The following NKAIN3 variants were observed in gnomAD, a reference collection of about 807,000 sequenced individuals.
NKAIN3 encodes sodium/potassium transporting ATPase interacting 3, also known as sodium/potassium-transporting ATPase subunit beta-1-interacting protein 3.
In NKAIN3, 25 loss-of-function variants were observed where a neutral mutation model predicts 30.2. The observed-to-expected ratio is 0.83, with a 90% CI of 0.60 to 1.16. NKAIN3 has a LOEUF of 1.16. NKAIN3 is among the 50% of genes most tolerant of loss of function. The probability of loss-of-function intolerance (pLI) is 0.00; values close to 1 mark genes in which losing one functional copy is unlikely to be tolerated. For missense variants in NKAIN3, 225 were observed against 254.1 expected (o/e 0.89, Z 0.78); for synonymous variants, 91 against 89.6 (o/e 1.02, Z -0.09).
intron 3 of NKAIN3, among the ~76,000 whole-genome samples, chr8:62,663,097 G>A (rs532920022): frequency 3.7e-4 from 56 of 152,328 alleles, no homozygotes; most frequent in East Asian, 2.9e-3. Context: ...ATGGGAAGGC[G>A]TAAGAAAGGG....
chr8:62,917,762 G>T (rs1822151602), intron 4 of NKAIN3, among the ~76,000 whole-genome samples: 1 of 152,236 alleles, frequency 6.6e-6, no homozygotes, highest in South Asian at 2.1e-4. Context: ...AGACAATTTT[G>T]TCCTCTAGGA....
chr8:62,341,720 A>C (rs1430293797), intron 1 of NKAIN3, among the ~76,000 whole-genome samples: 1 of 152,006 alleles, frequency 6.6e-6, no homozygotes, highest in Non-Finnish European at 1.5e-5. Flanking sequence ...TGCCAGAAAA[A>C]AAAACAAAAC....
At chr8:62,661,603 C>T (rs1812945757) in intron 3 of NKAIN3, among the ~76,000 whole-genome samples, 1 of 151,982 alleles carries the variant, frequency 6.6e-6, no homozygotes, top group South Asian at 2.1e-4. Flanking sequence ...ACCTGTTCCT[C>T]CCTCCCTCTC....
chr8:62,697,293 T>G (rs1461410081), intron 3 of NKAIN3, among the ~76,000 whole-genome samples: 2 of 152,192 alleles, frequency 1.3e-5, no homozygotes, highest in African/African-American at 2.4e-5. Flanking sequence ...CCTACTCTGT[T>G]CCAGCCATGC....
chr8:62,843,628 G>T (rs894492740), intron 4 of NKAIN3, among the ~76,000 whole-genome samples: 1 of 151,998 alleles, frequency 6.6e-6, no homozygotes, highest in Non-Finnish European at 1.5e-5. Flanking sequence ...AGTCACCATG[G>T]CCGGCCCCTG....
intron 1 of NKAIN3, among the ~76,000 whole-genome samples, chr8:62,403,802 G>T (rs1000658368): frequency 1.3e-5 from 2 of 152,228 alleles, no homozygotes; most frequent in African/African-American, 2.4e-5. Flanking sequence ...CTGGGGCACT[G>T]CCTGGTGTAG....
At chr8:62,324,855 C>T (rs1272174625) in intron 1 of NKAIN3, among the ~76,000 whole-genome samples, 2 of 152,110 alleles carry the variant, frequency 1.3e-5, no homozygotes, top group Non-Finnish European at 2.9e-5. Flanking sequence ...TGGCTATTCT[C>T]TCTCTCGGCT....
intron 4 of NKAIN3, among the ~76,000 whole-genome samples, chr8:62,798,123 T>C (rs1024334337): frequency 6.6e-6 from 1 of 152,096 alleles, no homozygotes; most frequent in Non-Finnish European, 1.5e-5. Flanking sequence ...AAGGTGGACC[T>C]CAAATCCAAG....
chr8:62,999,237 C>G (rs548011056), exon 6 of NKAIN3: 1 of 152,284 alleles, frequency 6.6e-6, no homozygotes, highest in Non-Finnish European at 1.5e-5. Flanking sequence ...GCAGGGTGTA[C>G]AAGCAACATG....
rs1010866513 is a variant in NKAIN3 at position 62,864,210 on chromosome 8, T to C, written c.472-54243T>C. 5 of 680,142 alleles carry C rather than the reference T, an allele frequency of 7.4e-6. No homozygotes were observed. In the Admixed American group the frequency reaches 8.6e-5, roughly 12 times the overall value. The allele number at this position is 680,142 out of a possible 1,614,324, so 42.1% of individuals were successfully genotyped here. ...GGAGGCTCTGGCGGATGGCGAATACTGCGCAGAAGTGAAACTAAAAACAGC... is the reference window on the plus strand; with the variant it reads ...GGAGGCTCTGGCGGATGGCGAATACCGCGCAGAAGTGAAACTAAAAACAGC... On this transcript the variant is annotated intron_variant, in intron 4 of 6. Transcript: ENST00000623646.
At chr8:62,937,004 T>C (rs1270149356) in intron 5 of NKAIN3, among the ~76,000 whole-genome samples, 6 of 151,882 alleles carry the variant, frequency 4.0e-5, no homozygotes. Context: ...TATTATATCA[T>C]ATTATATTAT....
At chr8:62,871,350 C>G (rs1820637068) in intron 4 of NKAIN3, among the ~76,000 whole-genome samples, 1 of 149,726 alleles carries the variant, frequency 6.7e-6, no homozygotes, top group Admixed American at 6.7e-5. Context: ...TTGCAGTTGG[C>G]CGAGATCTTG....
chr8:62,626,281 C>A (rs1811784558), intron 3 of NKAIN3, among the ~76,000 whole-genome samples: 1 of 152,082 alleles, frequency 6.6e-6, no homozygotes, highest in Non-Finnish European at 1.5e-5. Context: ...AGATGGAAAG[C>A]AAAGGACTTA....
chr8:62,788,312 G>A (rs1346456548), intron 4 of NKAIN3, among the ~76,000 whole-genome samples: 1 of 152,156 alleles, frequency 6.6e-6, no homozygotes, highest in Non-Finnish European at 1.5e-5. Context: ...TTTTTCATGT[G>A]TTTTTTGGCT....
At chr8:62,492,440 T>C (rs182738049) in intron 1 of NKAIN3, among the ~76,000 whole-genome samples, 19 of 152,246 alleles carry the variant, frequency 1.2e-4, no homozygotes, top group Non-Finnish European at 2.4e-4. Context: ...TTTCTTCTTA[T>C]CTTACTGGAT....
intron 1 of NKAIN3, among the ~76,000 whole-genome samples, chr8:62,283,088 G>A (rs1348195670): frequency 6.6e-6 from 1 of 152,130 alleles, no homozygotes; most frequent in Non-Finnish European, 1.5e-5. Context: ...ATAAAAGAAT[G>A]GGCCCTTTCA....
intron 3 of NKAIN3, among the ~76,000 whole-genome samples, chr8:62,692,524 T>C (rs1390808348): frequency 6.6e-6 from 1 of 152,180 alleles, no homozygotes; most frequent in African/African-American, 2.4e-5. Flanking sequence ...CATTCCACAC[T>C]AAAGAATCTA....
chr8:62,998,282 C>T (rs12549084), intron 5 of NKAIN3, among the ~76,000 whole-genome samples: 29,428 of 150,384 alleles, frequency 0.2, 2,966 homozygotes, highest in East Asian at 0.41. Flanking sequence ...CTTTTTTTTT[C>T]CCCCACAGGG....
intron 4 of NKAIN3, among the ~76,000 whole-genome samples, chr8:62,765,148 G>A (rs1457707678): frequency 6.6e-6 from 1 of 150,848 alleles, no homozygotes; most frequent in African/African-American, 2.4e-5. Flanking sequence ...TCAGGAGGCT[G>A]AGGAAGTAGA....
Sources: gnomAD v4.1 joint callset for allele counts (sites outside exome capture counted in the v4.1 genomes callset) on GRCh38, gnomAD v4.1.1 for gene constraint, MANE v1.5 for transcripts, NCBI Gene and HGNC (gene_info 2026-07-23, HGNC 2026-07-21) for gene names.